CLDN10: variants seen among roughly 807,000 people sequenced by gnomAD.
The protein encoded by CLDN10 is claudin 10, also known as claudin-10.
CLDN10 carries 15 observed loss-of-function variants against 22.9 expected under a neutral mutation model. That is an observed-to-expected ratio of 0.65 (90% CI 0.44 to 1.01). CLDN10 has a LOEUF of 1.01. Ranked by LOEUF, CLDN10 falls within the 50% of genes least tolerant of loss-of-function variation. The pLI, the probability that CLDN10 is intolerant of heterozygous loss-of-function variation, is 0.00. For synonymous variants in CLDN10, 114 were observed against 111.4 expected, an observed-to-expected ratio of 1.02 and a Z score of -0.15; for missense variants, 247 against 287.8, an observed-to-expected ratio of 0.86 and a Z score of 1.03.
At chr13:95,470,203 C>T (rs960288829) in intron 1 of CLDN10, among the ~76,000 whole-genome samples, 4 of 152,192 alleles carry the variant, frequency 2.6e-5, no homozygotes, top group Admixed American at 1.3e-4. Flanking sequence ...GGAATTCCTA[C>T]AGAGGTCAAA....
intron 1 of CLDN10, among the ~76,000 whole-genome samples, chr13:95,501,640 AC>A (rs1162207368): frequency 6.6e-6 from 1 of 151,960 alleles, no homozygotes; most frequent in African/African-American, 2.4e-5. Context: ...TCCATATTTC[AC>A]TTTGAACTTG....
rs1198189377 is a variant in CLDN10 at position 95,568,378 on chromosome 13, C to A, written c.464+7915C>A. ...AGATGCTTTTGTTATGCTAGCATGA[C>A]CTAAAAATCTGCTTGGGAACTAAAT... On this transcript the variant is annotated intron_variant, in intron 3 of 4. Coordinates refer to ENST00000299339, the MANE Select transcript of CLDN10 (RefSeq NM_006984.5). Among the ~76,000 whole-genome samples, 4 of 152,250 alleles carry A rather than the reference C, an allele frequency of 2.6e-5. No homozygotes were observed. In the East Asian group the frequency reaches 7.7e-4, roughly 29 times the overall value.
intron 1 of CLDN10, among the ~76,000 whole-genome samples, chr13:95,503,221 G>A (rs1252178060): frequency 2.0e-5 from 3 of 152,064 alleles, no homozygotes; most frequent in African/African-American, 7.2e-5. Flanking sequence ...TTTCATAGAG[G>A]TGATAATATT....
chr13:95,558,584 G>A (rs980658204), intron 1 of CLDN10, among the ~76,000 whole-genome samples: 1 of 152,158 alleles, frequency 6.6e-6, no homozygotes, highest in Non-Finnish European at 1.5e-5. Flanking sequence ...CTTCAAAAAT[G>A]GGTCCAAGGA....
chr13:95,529,629 T>C (rs1432055864), intron 1 of CLDN10, among the ~76,000 whole-genome samples: 1 of 152,190 alleles, frequency 6.6e-6, no homozygotes, highest in Non-Finnish European at 1.5e-5. Context: ...CATACAGAAG[T>C]GGTCCTTTTC....
chr13:95,536,071 T>C (rs1361640883), intron 1 of CLDN10, among the ~76,000 whole-genome samples: 1 of 151,926 alleles, frequency 6.6e-6, no homozygotes, highest in Non-Finnish European at 1.5e-5. Flanking sequence ...GAGACTGTGA[T>C]ACTGTAATAG....
chr13:95,444,149 C>T (rs993595394), intron 1 of CLDN10, among the ~76,000 whole-genome samples: 2 of 152,320 alleles, frequency 1.3e-5, no homozygotes, highest in South Asian at 2.1e-4. Context: ...GCTTTCCTCG[C>T]GCCTCACAGA....
intron 1 of CLDN10, among the ~76,000 whole-genome samples, chr13:95,531,283 AT>A (rs1388781861): frequency 1.3e-5 from 2 of 152,154 alleles, no homozygotes; most frequent in African/African-American, 4.8e-5. Flanking sequence ...CAGTAACATA[AT>A]TTTTTATTTT....
chr13:95,480,870 C>G (rs1019565573), intron 1 of CLDN10, among the ~76,000 whole-genome samples: 3 of 152,128 alleles, frequency 2.0e-5, no homozygotes, highest in Admixed American at 2.0e-4. Context: ...AATAAACTGT[C>G]AAATATATAT....
At chr13:95,542,679 C>T (rs952820111) in intron 1 of CLDN10, among the ~76,000 whole-genome samples, 5 of 151,678 alleles carry the variant, frequency 3.3e-5, no homozygotes, top group South Asian at 2.1e-4. Flanking sequence ...TGGTGGCGCA[C>T]GCCTGTAGTT....
intron 1 of CLDN10, among the ~76,000 whole-genome samples, chr13:95,543,851 G>A (rs1455110778): frequency 6.6e-6 from 1 of 151,908 alleles, no homozygotes; most frequent in African/African-American, 2.4e-5. Flanking sequence ...AGACAAAAAA[G>A]CAATTATTTG....
At chr13:95,575,464 G>A (rs1023741598) in intron 3 of CLDN10, among the ~76,000 whole-genome samples, 1 of 152,222 alleles carries the variant, frequency 6.6e-6, no homozygotes, top group African/African-American at 2.4e-5. Flanking sequence ...GCTGATTGCA[G>A]AAATCCGGGG....
intron 1 of CLDN10, among the ~76,000 whole-genome samples, chr13:95,522,667 T>C (rs1026881998): frequency 6.6e-6 from 1 of 152,122 alleles, no homozygotes; most frequent in Non-Finnish European, 1.5e-5. Flanking sequence ...CCCCCCATTA[T>C]GGTTGTAGAT....
At chr13:95,447,026 A>G (rs989319481) in intron 1 of CLDN10, among the ~76,000 whole-genome samples, 1 of 152,110 alleles carries the variant, frequency 6.6e-6, no homozygotes, top group African/African-American at 2.4e-5. Flanking sequence ...ATACAAGAGA[A>G]CGAGTCCTGC....
At chr13:95,551,147 C>T (rs1021414206), upstream of CLDN10, among the ~76,000 whole-genome samples, 1 of 152,138 alleles carries the variant, frequency 6.6e-6, no homozygotes, top group Non-Finnish European at 1.5e-5. Context: ...AGCCCACTAC[C>T]TGCCAGCCGC....
At chr13:95,436,984 T>C (rs745721298) in intron 1 of CLDN10, among the ~76,000 whole-genome samples, 2 of 152,192 alleles carry the variant, frequency 1.3e-5, no homozygotes, top group Non-Finnish European at 2.9e-5. Flanking sequence ...CAAATCTTCT[T>C]AGACTTAGGC....
chr13:95,463,535 G>T (rs944157272), intron 1 of CLDN10, among the ~76,000 whole-genome samples: 2 of 150,912 alleles, frequency 1.3e-5, no homozygotes, highest in Non-Finnish European at 3.0e-5. Flanking sequence ...TTTTCGCCAT[G>T]CTGCTCAGGC....
At position 95,521,232 on chromosome 13, in the gene CLDN10, C is replaced by T. The variant is rs555646014; in HGVS notation, c.215-38900C>T. ...CACAGTACAATTTGAAAAGAAGTGA[C>T]AATAGTATGCATCCTTGTTTTGTTC... is the stretch of plus-strand genomic sequence containing the variant. On this transcript the variant is annotated intron_variant, in intron 1 of 4. Transcript: ENST00000376873. Among the ~76,000 whole-genome samples the T allele has an allele frequency of 3.3e-4, 50 of 152,238 alleles. No individual in the cohort carries two copies. The South Asian group carries it at 9.5e-3, about 29-fold the overall frequency.
intron 1 of CLDN10, among the ~76,000 whole-genome samples, chr13:95,435,879 C>T (rs934456894): frequency 2.6e-5 from 4 of 151,378 alleles, no homozygotes; most frequent in African/African-American, 9.7e-5. Flanking sequence ...TGGTCTCGAT[C>T]TCCTGAGCTC....
Sources: allele counts gnomAD v4.1 joint callset (sites outside exome capture counted in the v4.1 genomes callset), GRCh38; gene constraint gnomAD v4.1.1; transcripts MANE v1.5; gene names NCBI Gene and HGNC (gene_info 2026-07-23, HGNC 2026-07-21).